The following ZCCHC4 variants were observed in gnomAD, a reference collection of about 807,000 sequenced individuals.
ZCCHC4 encodes the protein zinc finger CCHC-type containing 4.
In ZCCHC4, 54 loss-of-function variants were observed where a neutral mutation model predicts 67.7. The observed-to-expected ratio is 0.80, with a 90% CI of 0.64 to 1.00. ZCCHC4 has a LOEUF of 1.00. Ranked by LOEUF, ZCCHC4 falls within the 50% of genes least tolerant of loss-of-function variation. The pLI, the probability that ZCCHC4 is intolerant of heterozygous loss-of-function variation, is 0.00. For synonymous variants in ZCCHC4, 198 were observed against 213.5 expected (o/e 0.93, Z 0.63); for missense variants, 609 against 617.0 (o/e 0.99, Z 0.14).
chr4:25,363,663 T>C (rs572504648), intron 10 of ZCCHC4, among the ~76,000 whole-genome samples: 1 of 152,252 alleles, frequency 6.6e-6, no homozygotes, highest in Non-Finnish European at 1.5e-5. Context: ...ACAATGTTAA[T>C]ACATCTGATC....
chr4:25,342,483 TG>T (rs1425469066), intron 5 of ZCCHC4, among the ~76,000 whole-genome samples: 1 of 152,198 alleles, frequency 6.6e-6, no homozygotes, highest in Admixed American at 6.5e-5. Flanking sequence ...AATTTTAGCA[TG>T]AAAGATGTGA....
chr4:25,334,019 A>C, intron 5 of ZCCHC4, 31 bp downstream of exon 5: 1 of 1,388,558 alleles, frequency 7.2e-7, no homozygotes, highest in Non-Finnish European at 1.0e-6. Context: ...ATTTCCTTTC[A>C]TTGTCTCCTG....
chr4:25,313,404 G>C (rs1718059874), intron 1 of ZCCHC4, among the ~76,000 whole-genome samples: 2 of 152,320 alleles, frequency 1.3e-5, no homozygotes, highest in South Asian at 4.1e-4. Context: ...CGCAAGAGAT[G>C]TCAAAGTCCT....
chr4:25,351,644 C>T lies in ZCCHC4; in HGVS notation c.966C>T (p.Ser322=). The part of the protein sequence containing the change: ...IFWIFPYFFE[S]RICQFFPSFQ... ...GGATTTTCCCCTATTTTTTTGAATC[C>T]CGAATTTGTCAGTTTTTTCCAAGCT... Residue 322 remains serine, a synonymous_variant, in exon 8 of 13, where the codon TCC becomes TCT. Transcript: ENST00000302874. The T allele has an allele frequency of 1.2e-6, 2 of 1,611,766 alleles. No individual in the cohort carries two copies.
At chr4:25,358,767 C>T (rs2667297) in intron 8 of ZCCHC4, among the ~76,000 whole-genome samples, 47,180 of 152,116 alleles carry the variant, frequency 0.31, 8,772 homozygotes, top group African/African-American at 0.53. Flanking sequence ...GGTGATCACT[C>T]GTGAGCTCGT....
chr4:25,319,758 A>T (rs1289790616), intron 3 of ZCCHC4, among the ~76,000 whole-genome samples: 2 of 151,986 alleles, frequency 1.3e-5, no homozygotes, highest in African/African-American at 4.8e-5. Flanking sequence ...AGACCTAAGG[A>T]TGATGTACTA....
intron 3 of ZCCHC4, among the ~76,000 whole-genome samples, chr4:25,326,515 G>T (rs1182959607): frequency 2.7e-5 from 4 of 150,232 alleles, no homozygotes; most frequent in Non-Finnish European, 3.0e-5. Context: ...CTTTATATGT[G>T]TTTTTTTTTC....
At chr4:25,343,688 A>G (rs1317293762) in intron 5 of ZCCHC4, among the ~76,000 whole-genome samples, 1 of 152,232 alleles carries the variant, frequency 6.6e-6, no homozygotes, top group Admixed American at 6.5e-5. Context: ...TTGAAACCAG[A>G]CCGTCTGACT....
At position 25,368,933 on chromosome 4, in the gene ZCCHC4, A is replaced by G. The variant is rs765689038; in HGVS notation, c.1407-96A>G. On this transcript the variant is annotated intron_variant, in intron 12 of 12. Coordinates refer to ENST00000302874, the MANE Select transcript of ZCCHC4 (RefSeq NM_024936.3). Reference sequence around the variant, plus strand: ...TACAGTAGATTCTTTCCCTTCTTCTATTTTCTTATTTGGTTAGCTAGTTAA... The same window carrying G: ...TACAGTAGATTCTTTCCCTTCTTCTGTTTTCTTATTTGGTTAGCTAGTTAA... 15 of 1,380,372 alleles carry G rather than the reference A, an allele frequency of 1.1e-5. No homozygotes were observed. In the African/African-American group the frequency reaches 1.6e-4, roughly 15 times the overall value. 85.5% of individuals were successfully genotyped at this position (1,380,372 alleles called of 1,614,324 possible).
intron 3 of ZCCHC4, among the ~76,000 whole-genome samples, chr4:25,329,475 GTT>G (rs1436725707): frequency 1.1e-5 from 1 of 91,302 alleles, no homozygotes; most frequent in Non-Finnish European, 2.4e-5. Context: ...AAGGTGTTTT[GTT>G]TTTTTTTTTT....
intron 7 of ZCCHC4, 41 bp downstream of exon 7, chr4:25,349,683 A>G (rs1270336834): frequency 1.9e-6 from 3 of 1,587,232 alleles, no homozygotes; most frequent in Non-Finnish European, 2.6e-6. Flanking sequence ...ATATCTATAT[A>G]TCTACTTCCT....
chr4:25,337,553 G>A (rs1719517067), intron 5 of ZCCHC4, among the ~76,000 whole-genome samples: 1 of 152,284 alleles, frequency 6.6e-6, no homozygotes, highest in Middle Eastern at 3.4e-3. Context: ...CCATCACTGT[G>A]GCCTGGCAGA....
In ZCCHC4 at chr4:25,357,230, A is replaced by G. The variant is rs1720554150; in HGVS notation, c.1012-4629A>G. Among the ~76,000 whole-genome samples the G allele has an allele frequency of 2.0e-5, 3 of 152,184 alleles. 1 individual carries two copies. Among genetic ancestry groups the G allele is most frequent in the South Asian group, 2.1e-4 (1 of 4,826 alleles). ...ATCCTCCCAGTCATCTCTTTTCTGG[A>G]TAAACATCCCCAATTTGTTAAGCTA... is the stretch of plus-strand genomic sequence containing the variant. On this transcript the variant is annotated intron_variant, in intron 8 of 12. Transcript: ENST00000302874.
At chr4:25,360,271 G>A (rs1720678161) in intron 8 of ZCCHC4, among the ~76,000 whole-genome samples, 1 of 152,234 alleles carries the variant, frequency 6.6e-6, no homozygotes, top group African/African-American at 2.4e-5. Context: ...GTGCGGCTGA[G>A]ACCGCCTTCC....
At chr4:25,368,114 A>G (rs1028198873) in intron 12 of ZCCHC4, among the ~76,000 whole-genome samples, 9 of 152,226 alleles carry the variant, frequency 5.9e-5, no homozygotes, top group Non-Finnish European at 2.9e-5. Flanking sequence ...TAGGGGATAC[A>G]TTGTTTATGA....
chr4:25,362,177 G>A (rs780188369), intron 9 of ZCCHC4, 49 bp from the exon 10 acceptor site: 3 of 1,544,496 alleles, frequency 1.9e-6, no homozygotes, highest in Admixed American at 3.7e-5. Context: ...TATCTACTCT[G>A]TAAATCTCAA....
chr4:25,360,798 T>TG (rs1232012416), intron 8 of ZCCHC4, among the ~76,000 whole-genome samples: 5 of 152,166 alleles, frequency 3.3e-5, no homozygotes, highest in Admixed American at 2.0e-4. Flanking sequence ...ACATTCCTGA[T>TG]GGGGGGGCAT....
intron 12 of ZCCHC4, among the ~76,000 whole-genome samples, chr4:25,367,305 T>C (rs986525008): frequency 6.6e-6 from 1 of 152,204 alleles, no homozygotes; most frequent in African/African-American, 2.4e-5. Flanking sequence ...AAAATAAAAC[T>C]GACTTATAGT....
Position 25,369,670 on chromosome 4 carries a change from G to C in ZCCHC4, c.*506G>C, listed in dbSNP as rs1433876500. On this transcript the variant is annotated 3_prime_UTR_variant, in exon 13 of 13. Transcript: ENST00000302874. ...GCTGGTCTCGAACTCCTGGCCTCAAGTGATTTGCCTGCCTTGGCCTCCCAA... is the reference window on the plus strand; with the variant it reads ...GCTGGTCTCGAACTCCTGGCCTCAACTGATTTGCCTGCCTTGGCCTCCCAA... The C allele has an allele frequency of 6.5e-6, 1 of 153,144 alleles. No homozygotes were observed. Among genetic ancestry groups the C allele is most frequent in the African/African-American group, 2.4e-5 (1 of 41,472 alleles). 9.5% of individuals were successfully genotyped at this position (153,144 alleles called of 1,614,324 possible).
Sources: gnomAD v4.1 joint callset for allele counts (sites outside exome capture counted in the v4.1 genomes callset) on GRCh38, gnomAD v4.1.1 for gene constraint, MANE v1.5 for transcripts, NCBI Gene and HGNC (gene_info 2026-07-23, HGNC 2026-07-21) for gene names.